Variants in ERC1 observed in about 807,000 individuals in gnomAD.
ERC1 encodes the protein RAB6 interacting protein 2.
Under a neutral mutation model 132.0 loss-of-function variants are expected in ERC1, and 56 were observed. The ratio of observed to expected loss-of-function variants is 0.42; its 90% confidence interval spans 0.34 to 0.53. ERC1 has a LOEUF of 0.53. Ranked by LOEUF, ERC1 falls within the 20% of genes least tolerant of loss-of-function variation. The pLI is 0.03. For synonymous variants in ERC1, 478 were observed against 476.1 expected, an observed-to-expected ratio of 1.00 and a Z score of -0.05; for missense variants, 1,202 against 1,349.9, an observed-to-expected ratio of 0.89 and a Z score of 1.72.
chr12:1,480,458 T>C (rs1250299005), intron 18 of ERC1, among the ~76,000 whole-genome samples: 5 of 152,310 alleles, frequency 3.3e-5, no homozygotes, highest in African/African-American at 1.2e-4. Flanking sequence ...CTGTAATAGT[T>C]GCAGTGGTGG....
intron 12 of ERC1, among the ~76,000 whole-genome samples, chr12:1,213,969 T>C (rs1958131684): frequency 6.6e-6 from 1 of 151,958 alleles, no homozygotes. Context: ...CATATGAGAA[T>C]GCCAGGGTAC....
chr12:1,368,466 T>G (rs1310837108), intron 15 of ERC1, among the ~76,000 whole-genome samples: 1 of 152,220 alleles, frequency 6.6e-6, no homozygotes, highest in African/African-American at 2.4e-5. Flanking sequence ...TTTTCCACTG[T>G]GAATTCCATT....
chr12:1,440,265 T>C (rs367816618), intron 17 of ERC1, among the ~76,000 whole-genome samples: 1,535 of 143,502 alleles, frequency 0.011, 28 homozygotes, highest in African/African-American at 0.033. Flanking sequence ...AGTGCAGTGG[T>C]GCCATCTCGG....
At chr12:1,093,695 A>G (rs556112301) in intron 3 of ERC1, among the ~76,000 whole-genome samples, 2 of 151,942 alleles carry the variant, frequency 1.3e-5, no homozygotes, top group African/African-American at 4.8e-5. Flanking sequence ...TACAACTGCT[A>G]TCGTGTTAGG....
intron 12 of ERC1, 125 bp from the exon 13 acceptor site, chr12:1,236,644 C>T (rs951278700): frequency 1.5e-5 from 13 of 893,610 alleles, no homozygotes; most frequent in Admixed American, 2.9e-5. Context: ...TGAAAAATTT[C>T]GCAGCATGTA....
At chr12:1,104,439 A>G (rs1232276222) in intron 3 of ERC1, among the ~76,000 whole-genome samples, 1 of 152,204 alleles carries the variant, frequency 6.6e-6, no homozygotes, top group Non-Finnish European at 1.5e-5. Context: ...TCCCGGAGTT[A>G]TGTGGAAGAT....
At chr12:1,378,253 GCT>G (rs112402818) in intron 16 of ERC1, among the ~76,000 whole-genome samples, 1 of 151,698 alleles carries the variant, frequency 6.6e-6, no homozygotes, top group African/African-American at 2.4e-5. Context: ...GGCCCTGACC[GCT>G]CCCCGTTGGA....
intron 15 of ERC1, among the ~76,000 whole-genome samples, chr12:1,357,574 T>A (rs1207007094): frequency 6.6e-6 from 1 of 152,142 alleles, no homozygotes; most frequent in African/African-American, 2.4e-5. Context: ...GAAGACAAGA[T>A]AAATGGTGTA....
chr12:1,367,405 G>T (rs531198547), intron 15 of ERC1, among the ~76,000 whole-genome samples: 28 of 152,282 alleles, frequency 1.8e-4, no homozygotes, highest in African/African-American at 6.3e-4. Context: ...ATACTCAGTT[G>T]GAGGAGGAGC....
rs1013566075 is a variant in ERC1 at position 1,403,062 on chromosome 12, G to A, written c.2926-5087G>A. Among the ~76,000 whole-genome samples, 11 of 152,060 alleles carry A rather than the reference G, an allele frequency of 7.2e-5. 1 individual carries two copies. The highest frequency in any genetic ancestry group is 2.7e-4 in the African/African-American group (11 of 41,390). ...CTGTAACAAGTTATTTTAACATTTT[G>A]GACATTGACATTTTTGTCGTAGAAG... On this transcript the variant is annotated intron_variant, in intron 16 of 18. Transcript: ENST00000360905.
chr12:1,447,672 CAG>C (rs2093337445), intron 18 of ERC1, among the ~76,000 whole-genome samples: 1 of 149,310 alleles, frequency 6.7e-6, no homozygotes, highest in South Asian at 2.1e-4. Flanking sequence ...GTTTTGGAGA[CAG>C]AGTCTCGCTC....
chr12:1,456,023 A>G (rs917278410), intron 18 of ERC1, among the ~76,000 whole-genome samples: 1 of 152,212 alleles, frequency 6.6e-6, no homozygotes, highest in African/African-American at 2.4e-5. Context: ...CAGCTTTCCA[A>G]TGAGGTGAGG....
In ERC1 at chr12:1,028,521, CA is replaced by C; in HGVS notation, c.622del (p.Ile208SerfsTer20). ...GAGCCCTGAGAAAAGATGAAGCTTC[CA>C]AAATCACCATTTGGAAGGAACAGTA... ...ERALRKDEAS[K>X]ITIWKEQYRV... On this transcript the variant is annotated frameshift_variant, in exon 2 of 19. Coordinates refer to ENST00000360905, the MANE Select transcript of ERC1 (RefSeq NM_178040.4). LOFTEE classifies it high-confidence loss of function. 6.2e-7 allele frequency: 1 copy of C among 1,614,038 alleles called. No individual in the cohort carries two copies. The highest frequency in any genetic ancestry group is 8.5e-7 in the Non-Finnish European group (1 of 1,180,026).
intron 7 of ERC1, among the ~76,000 whole-genome samples, chr12:1,133,472 T>G (rs1345965199): frequency 6.6e-6 from 1 of 152,148 alleles, no homozygotes; most frequent in Non-Finnish European, 1.5e-5. Context: ...CTGGCTGGCT[T>G]GAGCTGTGCC....
chr12:1,385,733 C>T (rs530392832), intron 16 of ERC1: 2 of 152,314 alleles, frequency 1.3e-5, no homozygotes, highest in South Asian at 2.1e-4. Flanking sequence ...TCCCTAAGCC[C>T]GCATTGTCCT....
At chr12:1,295,041 G>C (rs1441081805) in intron 15 of ERC1, among the ~76,000 whole-genome samples, 1 of 152,166 alleles carries the variant, frequency 6.6e-6, no homozygotes, top group African/African-American at 2.4e-5. Context: ...GGGCCAGTTT[G>C]CTTACCCGTG....
At chr12:1,444,916 C>G in intron 18 of ERC1, 166 bp downstream of exon 18, 1 of 445,330 alleles carries the variant, frequency 2.2e-6, no homozygotes, top group Admixed American at 4.0e-5. Flanking sequence ...TGGGAGCTAC[C>G]TTGGGGAATT....
At chr12:1,315,662 T>C (rs1396343889) in intron 15 of ERC1, among the ~76,000 whole-genome samples, 1 of 152,080 alleles carries the variant, frequency 6.6e-6, no homozygotes, top group Non-Finnish European at 1.5e-5. Context: ...TCTTCCCAAA[T>C]TTATTCTCAG....
At chr12:1,379,181 C>T (rs560523053) in intron 16 of ERC1, among the ~76,000 whole-genome samples, 221 of 152,284 alleles carry the variant, frequency 1.5e-3, no homozygotes, top group African/African-American at 5.2e-3. Flanking sequence ...TTTCCTCTCA[C>T]GTTTTACCAT....
Sources: allele counts gnomAD v4.1 joint callset (sites outside exome capture counted in the v4.1 genomes callset), GRCh38; gene constraint gnomAD v4.1.1; transcripts MANE v1.5; gene names NCBI Gene and HGNC (gene_info 2026-07-23, HGNC 2026-07-21).